Variants in ADAMTS2 observed in about 807,000 individuals in gnomAD.
ADAMTS2 encodes A disintegrin and metalloproteinase with thrombospondin motifs 2.
ADAMTS2 carries 50 observed loss-of-function variants against 123.0 expected under a neutral mutation model. The ratio of observed to expected loss-of-function variants is 0.41; its 90% CI spans 0.32 to 0.51. The LOEUF (loss-of-function observed/expected upper bound fraction) is 0.51. ADAMTS2 is among the 20% of genes least tolerant of loss of function. The probability of loss-of-function intolerance (pLI) is 0.35; values close to 1 mark genes in which losing one functional copy is unlikely to be tolerated. For synonymous variants in ADAMTS2, 678 were observed against 695.4 expected (o/e 0.98, Z 0.39); for missense variants, 1,494 against 1,705.2 (o/e 0.88, Z 2.18).
intron 6 of ADAMTS2, among the ~76,000 whole-genome samples, chr5:179,157,338 A>T (rs1473798711): frequency 1.3e-5 from 2 of 152,134 alleles, no homozygotes; most frequent in Admixed American, 6.5e-5. Context: ...GCTCCCCATT[A>T]GTGCCCTCCC....
At chr5:179,122,521 C>G in intron 20 of ADAMTS2, 123 bp downstream of exon 20, 1 of 1,392,540 alleles carries the variant, frequency 7.2e-7, no homozygotes, top group South Asian at 1.4e-5. Context: ...CTTCTCCATG[C>G]TCACAGATGT....
rs1259159739 is a variant in ADAMTS2 at position 179,125,286 on chromosome 5, G to A, written c.2751-106C>T. The A allele has an allele frequency of 4.0e-6, 4 of 1,003,444 alleles. No individual in the cohort carries two copies. The East Asian group carries it at 9.7e-5, about 24-fold the overall frequency. 62.2% of individuals were successfully genotyped at this position (1,003,444 alleles called of 1,614,324 possible). A position where few individuals can be genotyped will look rare whatever the true frequency, so the allele number is the denominator to read the frequency against. ...GCAGCCCAGGTAGACAGCGAGCACA[G>A]AGGGCAGCCTGCACCCCTCCCCGGT... On this transcript the variant is annotated intron_variant, in intron 18 of 21. Coordinates refer to ENST00000251582, the MANE Select transcript of ADAMTS2 (RefSeq NM_014244.5).
intron 4 of ADAMTS2, among the ~76,000 whole-genome samples, chr5:179,194,718 T>G (rs1764380698): frequency 6.6e-6 from 1 of 152,136 alleles, no homozygotes; most frequent in African/African-American, 2.4e-5. Context: ...AGTGACCTGA[T>G]GCAGGCAAGG....
chr5:179,277,269 C>T (rs73807103), intron 2 of ADAMTS2, among the ~76,000 whole-genome samples: 4,487 of 149,534 alleles, frequency 0.03, 250 homozygotes, highest in African/African-American at 0.098. Flanking sequence ...ATGCGCACAA[C>T]GCATGCTGGA....
intron 2 of ADAMTS2, among the ~76,000 whole-genome samples, chr5:179,300,335 T>C (rs1226842877): frequency 1.3e-5 from 2 of 152,234 alleles, no homozygotes; most frequent in Non-Finnish European, 2.9e-5. Flanking sequence ...TGGTTTTTGC[T>C]TTCTCCTTAA....
chr5:179,138,959 A>G (rs1267976229), intron 11 of ADAMTS2, among the ~76,000 whole-genome samples: 2 of 152,250 alleles, frequency 1.3e-5, no homozygotes, highest in African/African-American at 2.4e-5. Flanking sequence ...GTGATGCCCA[A>G]TTTGGAGGCT....
chr5:179,214,553 T>G (rs1764931773), intron 3 of ADAMTS2, among the ~76,000 whole-genome samples: 1 of 152,080 alleles, frequency 6.6e-6, no homozygotes, highest in South Asian at 2.1e-4. Flanking sequence ...AGATCAAGAC[T>G]TCTTGAACAT....
At chr5:179,138,083 G>C (rs892895488) in intron 11 of ADAMTS2, 139 bp from the exon 12 acceptor site, 4 of 944,796 alleles carry the variant, frequency 4.2e-6, no homozygotes, top group African/African-American at 1.6e-5. Context: ...AAGGGACCTT[G>C]CCCTGCCATG....
rs1378522920 is a variant in ADAMTS2, at chr5:179,180,404, C to G, written c.975+668G>C. Among the ~76,000 whole-genome samples the G allele has an allele frequency of 6.6e-6, 1 of 152,192 alleles. No individual in the cohort carries two copies. The highest frequency in any genetic ancestry group is 1.5e-5 in the Non-Finnish European group (1 of 68,034). On this transcript the variant is annotated intron_variant, in intron 5 of 21. Transcript: ENST00000251582. This position sits in a 1 kb window ranked among gnomAD's most constrained non-coding sequence, Gnocchi z 4.6. Reference sequence around the variant, plus strand: ...CAGATTTAATACGGGGGCAGAAGTCCAAGGGAGGGTCGTGTTAACCACGTG... The same window carrying G: ...CAGATTTAATACGGGGGCAGAAGTCGAAGGGAGGGTCGTGTTAACCACGTG...
intron 3 of ADAMTS2, among the ~76,000 whole-genome samples, chr5:179,261,877 G>A (rs764338692): frequency 5.9e-5 from 9 of 152,166 alleles, no homozygotes; most frequent in East Asian, 1.9e-4. Flanking sequence ...ATGCACACAC[G>A]TCCATGGGAC....
chr5:179,300,593 A>G (rs1394938051), intron 2 of ADAMTS2, among the ~76,000 whole-genome samples: 31 of 152,242 alleles, frequency 2.0e-4, no homozygotes, highest in Non-Finnish European at 4.4e-5. Flanking sequence ...CTGCCTGAGG[A>G]CAAGCCAGAC....
chr5:179,257,625 C>A (rs572209852), intron 3 of ADAMTS2, among the ~76,000 whole-genome samples: 1 of 152,330 alleles, frequency 6.6e-6, no homozygotes, highest in African/African-American at 2.4e-5. Context: ...AACAACAGGA[C>A]GACCGCAGGT....
chr5:179,267,047 C>T (rs1766390862), intron 3 of ADAMTS2, among the ~76,000 whole-genome samples: 1 of 152,176 alleles, frequency 6.6e-6, no homozygotes, highest in South Asian at 2.1e-4. Context: ...ATGGAGGCTG[C>T]CCCACAGCTC....
At chr5:179,326,833 G>A (rs1324387667) in intron 2 of ADAMTS2, among the ~76,000 whole-genome samples, 1 of 152,074 alleles carries the variant, frequency 6.6e-6, no homozygotes, top group Non-Finnish European at 1.5e-5. Flanking sequence ...ACCTTGCAGG[G>A]GCTGATGGCC....
At chr5:179,311,125 G>T (rs905170419) in intron 2 of ADAMTS2, among the ~76,000 whole-genome samples, 1 of 151,320 alleles carries the variant, frequency 6.6e-6, no homozygotes, top group African/African-American at 2.4e-5. Context: ...ATTATATAAG[G>T]GGAGGATGCG....
intron 19 of ADAMTS2, among the ~76,000 whole-genome samples, chr5:179,123,607 T>C: frequency 6.6e-6 from 1 of 152,160 alleles, no homozygotes; most frequent in Non-Finnish European, 1.5e-5. Flanking sequence ...TTTTAATTTT[T>C]TTGTAAAGAC....
intron 2 of ADAMTS2, among the ~76,000 whole-genome samples, chr5:179,289,257 T>G (rs529216081): frequency 4.3e-4 from 66 of 152,042 alleles, no homozygotes; most frequent in African/African-American, 1.5e-3. Flanking sequence ...CTGGGGCAAT[T>G]TGAACACAAT....
At chr5:179,311,406 A>C (rs1359727923) in intron 2 of ADAMTS2, among the ~76,000 whole-genome samples, 1 of 152,218 alleles carries the variant, frequency 6.6e-6, no homozygotes, top group African/African-American at 2.4e-5. Context: ...CAGCATGCCA[A>C]GAATCACAGG....
chr5:179,223,807 CAT>C (rs749965711), intron 3 of ADAMTS2, among the ~76,000 whole-genome samples: 12 of 151,572 alleles, frequency 7.9e-5, no homozygotes, highest in Admixed American at 2.0e-4. Context: ...CACGTGTGTG[CAT>C]ATGTGACATG....
Sources: gnomAD v4.1 joint callset for allele counts (sites outside exome capture counted in the v4.1 genomes callset) on GRCh38, gnomAD v4.1.1 for gene constraint, Gnocchi (gnomAD v3.1) non-coding constraint, MANE v1.5 for transcripts, NCBI Gene and HGNC (gene_info 2026-07-23, HGNC 2026-07-21) for gene names.